Variants in AP3B2 observed in about 807,000 individuals in gnomAD.
AP3B2 encodes adaptor related protein complex 3 subunit beta 2, also known as AP-3 complex subunit beta-2.
Under a neutral mutation model 126.9 loss-of-function variants are expected in AP3B2, and 50 were observed. That is an observed-to-expected ratio of 0.39 (90% confidence interval 0.31 to 0.50). The LOEUF (loss-of-function observed/expected upper bound fraction) is 0.50. AP3B2 is among the 20% of genes least tolerant of loss of function. AP3B2 has a pLI of 0.79. For missense variants in AP3B2, 1,177 were observed against 1,426.4 expected, an observed-to-expected ratio of 0.83 and a Z score of 2.82; for synonymous variants, 541 against 565.0, an observed-to-expected ratio of 0.96 and a Z score of 0.60.
intron 1 of AP3B2, among the ~76,000 whole-genome samples, chr15:82,703,381 G>T (rs2048750374): frequency 6.6e-6 from 1 of 151,188 alleles, no homozygotes; most frequent in Non-Finnish European, 1.5e-5. Context: ...TTCCTGGGGG[G>T]CAAAGCACCC....
chr15:82,708,397 G>C (rs574648116), intron 1 of AP3B2, among the ~76,000 whole-genome samples: 1 of 152,036 alleles, frequency 6.6e-6, no homozygotes, highest in Non-Finnish European at 1.5e-5. Context: ...ATGGACGTGC[G>C]TGAAAATCCT....
chr15:82,680,876 G>T lies in AP3B2; in HGVS notation c.732C>A (p.Thr244=), dbSNP rs2048327520. ...TCAGGAACTGCGTGCGGGCGTAGCGGGTGAGCATGCTGATGATGACCACCT... is the reference window on the plus strand; with the variant it reads ...TCAGGAACTGCGTGCGGGCGTAGCGTGTGAGCATGCTGATGATGACCACCT... ...WGQVVIISML[T]RYARTQFLSP... The change falls in exon 7 of 27, where the codon ACC becomes ACA. Residue 244 remains threonine, a synonymous_variant. Transcript: ENST00000535359. This position sits in a 1 kb window ranked among gnomAD's most constrained non-coding sequence, Gnocchi z 6.1. The T allele has an allele frequency of 6.2e-7, 1 of 1,613,786 alleles. No individual in the cohort carries two copies. Among genetic ancestry groups the T allele is most frequent in the African/African-American group, 1.3e-5 (1 of 74,912 alleles).
chr15:82,662,069 T>C (rs573706484), intron 24 of AP3B2, 99 bp downstream of exon 24: 4 of 1,338,902 alleles, frequency 3.0e-6, no homozygotes, highest in Non-Finnish European at 3.1e-6. Flanking sequence ...CACCCAATCA[T>C]GATGTATCCC....
At chr15:82,673,559 A>G (rs908442914) in intron 14 of AP3B2, among the ~76,000 whole-genome samples, 18 of 150,278 alleles carry the variant, frequency 1.2e-4, no homozygotes, top group South Asian at 8.4e-4. Context: ...GTGAATGGGG[A>G]AAAAAAAGTA....
In AP3B2 at chr15:82,661,815, G is replaced by A. The variant is rs1318349311; in HGVS notation, c.3016+10C>T. The A allele has an allele frequency of 6.2e-7, 1 of 1,607,714 alleles. No homozygotes were observed. The highest frequency in any genetic ancestry group is 1.1e-5 in the South Asian group (1 of 89,866). ...ACTTCCCTCTCTGCCCACTCCCAGG[G>A]AGCACTCACCCTGTTCCTTCTTAAA... is the stretch of plus-strand genomic sequence containing the variant. On this transcript the variant is annotated intron_variant, in intron 25 of 26. Transcript: ENST00000535359.
At chr15:82,669,130 G>T (rs953438788) in intron 14 of AP3B2, among the ~76,000 whole-genome samples, 8 of 152,150 alleles carry the variant, frequency 5.3e-5, no homozygotes, top group Non-Finnish European at 1.0e-4. Flanking sequence ...CCTGAGACTT[G>T]CTTCTAACCA....
chr15:82,702,198 G>A (rs1270032481), intron 1 of AP3B2, among the ~76,000 whole-genome samples: 5 of 152,084 alleles, frequency 3.3e-5, no homozygotes, highest in South Asian at 4.1e-4. Flanking sequence ...AACCCAAATC[G>A]TAATATCCAG....
intron 1 of AP3B2, among the ~76,000 whole-genome samples, chr15:82,703,056 A>C (rs546446634): frequency 1.3e-5 from 2 of 151,882 alleles, no homozygotes; most frequent in Admixed American, 1.3e-4. Flanking sequence ...TCTGGTAGAG[A>C]CAGGAAATGC....
intron 23 of AP3B2, 168 bp downstream of exon 23, chr15:82,662,526 C>G: frequency 1.3e-6 from 1 of 747,324 alleles, no homozygotes; most frequent in South Asian, 1.9e-5. Context: ...TGTGAACTTG[C>G]TTATTTCATC....
chr15:82,665,317 G>A lies in AP3B2; in HGVS notation c.1972-14C>T. The A allele has an allele frequency of 6.3e-7, 1 of 1,576,618 alleles. No homozygotes were observed. The highest frequency in any genetic ancestry group is 1.1e-5 in the South Asian group (1 of 88,684). On this transcript the variant is annotated splice_polypyrimidine_tract_variant and intron_variant, in intron 16 of 26. Transcript: ENST00000535359. The surrounding 1 kb of genome is among the most constrained non-coding windows in gnomAD (Gnocchi z 4.4). ...GAGATCTTCTTCCTGTGTGTGTGGG[G>A]GAGGGTGTTAGGAGGGCTGGGCCGG...
At chr15:82,685,377 G>A (rs1407742233) in intron 4 of AP3B2, 1 of 152,190 alleles carries the variant, frequency 6.6e-6, no homozygotes, top group Non-Finnish European at 1.5e-5. Flanking sequence ...AGGTGTGCCT[G>A]TACTATTACT....
intron 1 of AP3B2, chr15:82,691,755 G>A (rs1333992632): frequency 7.0e-6 from 11 of 1,579,410 alleles, no homozygotes; most frequent in Non-Finnish European, 9.5e-6. Flanking sequence ...AAGTGGTGTG[G>A]GGAACCCCGG....
At chr15:82,692,868 A>G (rs1372601678) in intron 1 of AP3B2, 1 of 152,058 alleles carries the variant, frequency 6.6e-6, no homozygotes, top group Non-Finnish European at 1.5e-5. Context: ...GAGCCAATAC[A>G]CAGGTTTCTT....
At position 82,664,797 on chromosome 15, in the gene AP3B2, G is replaced by A. The variant is rs1399182386; in HGVS notation, c.2137+38C>T. ...TATAGTCAGTCACACAGATGCATGG[G>A]CAGAGCACAGAGGACCCCAGCTCTG... On this transcript the variant is annotated intron_variant, in intron 18 of 26. Transcript: ENST00000535359. This position sits in a 1 kb window ranked among gnomAD's most constrained non-coding sequence, Gnocchi z 4.5. 4 of 1,457,906 alleles carry A rather than the reference G, an allele frequency of 2.7e-6. No individual in the cohort carries two copies. The highest frequency in any genetic ancestry group is 3.9e-5 in the Admixed American group (2 of 51,734). 90.3% of individuals were successfully genotyped at this position (1,457,906 alleles called of 1,614,324 possible).
At position 82,664,374 on chromosome 15, in the gene AP3B2, T is replaced by C. The variant is rs1354509826; in HGVS notation, c.2254A>G (p.Ser752Gly). The C allele has an allele frequency of 6.2e-7, 1 of 1,613,916 alleles. No homozygotes were observed. ...QDEDEEKGRG[S>G]ESEQSEEDGK... ...GGCTAGCTCCCTTCTCACCTCTCACTGCCTCTCCCTTTCTCCTCATCCTCA... is the reference window on the plus strand; with the variant it reads ...GGCTAGCTCCCTTCTCACCTCTCACCGCCTCTCCCTTTCTCCTCATCCTCA... The change falls in exon 19 of 27, where the codon AGT (serine) becomes GGT (glycine). Residue 752 changes from serine to glycine, a missense_variant. This residue lies in a region of AP3B2 where 587 missense variants were observed against 571.3 expected (regional missense o/e 1.03). Transcript: ENST00000535359. The surrounding 1 kb of genome is among the most constrained non-coding windows in gnomAD (Gnocchi z 4.5).
chr15:82,674,351 A>G (rs1023854644), intron 14 of AP3B2, among the ~76,000 whole-genome samples: 3 of 152,204 alleles, frequency 2.0e-5, no homozygotes, highest in Non-Finnish European at 2.9e-5. Context: ...AGGAGAAAGA[A>G]AGGGAGGACA....
intron 14 of AP3B2, among the ~76,000 whole-genome samples, chr15:82,670,111 T>TG (rs1393755000): frequency 7.9e-5 from 7 of 89,150 alleles, no homozygotes; most frequent in African/African-American, 2.3e-4. Flanking sequence ...TTTTTTTTTT[T>TG]TGGCGGGGGG....
Position 82,680,295 on chromosome 15 carries a change from GA to G in AP3B2, c.1056-67del. On this transcript the variant is annotated intron_variant, in intron 8 of 26. Transcript: ENST00000535359. This position sits in a 1 kb window ranked among gnomAD's most constrained non-coding sequence, Gnocchi z 6.1. ...TGGGGCAAGGGTCAGCGGATGAGGGGAAAAGGTGGGGCAAGTCGTTGCGGGG... is the reference window on the plus strand; with the variant it reads ...TGGGGCAAGGGTCAGCGGATGAGGGGAAAGGTGGGGCAAGTCGTTGCGGGG... The G allele has an allele frequency of 6.2e-7, 1 of 1,606,456 alleles. No individual in the cohort carries two copies.
intron 14 of AP3B2, among the ~76,000 whole-genome samples, chr15:82,672,350 G>A (rs2151435469): frequency 6.6e-6 from 1 of 152,276 alleles, no homozygotes; most frequent in Non-Finnish European, 1.5e-5. Context: ...AGTGAAATAA[G>A]CCAAGCACAG....
Sources: gnomAD v4.1 joint callset for allele counts (sites outside exome capture counted in the v4.1 genomes callset) on GRCh38, gnomAD v4.1.1 for gene constraint, gnomAD v4.1.1 regional missense constraint, Gnocchi (gnomAD v3.1) non-coding constraint, MANE v1.5 for transcripts, NCBI Gene and HGNC (gene_info 2026-07-23, HGNC 2026-07-21) for gene names.